The following AP4E1 variants were observed in gnomAD, a reference collection of about 807,000 sequenced individuals.
AP4E1 encodes the protein adaptor related protein complex 4 subunit epsilon 1, also known as AP-4 complex subunit epsilon-1.
A neutral mutation model predicts 128.2 loss-of-function variants in AP4E1; 56 were observed. The ratio of observed to expected loss-of-function variants is 0.44; its 90% CI spans 0.35 to 0.55. The LOEUF is 0.55. Among genes scored for constraint, AP4E1 ranks in the 20% least tolerant of loss-of-function variants. The pLI is 0.00. For missense variants in AP4E1, 1,324 were observed against 1,307.7 expected (o/e 1.01, Z -0.19); for synonymous variants, 484 against 473.1 (o/e 1.02, Z -0.30).
intron 16 of AP4E1, among the ~76,000 whole-genome samples, 177 bp downstream of exon 16, chr15:50,984,322 A>G (rs973705141): frequency 2.0e-5 from 3 of 151,884 alleles, no homozygotes; most frequent in Non-Finnish European, 4.4e-5. Flanking sequence ...TTTTTTAATT[A>G]TACTTTAAGT....
chr15:50,942,346 G>T (rs753243167), intron 10 of AP4E1, among the ~76,000 whole-genome samples: 1 of 152,070 alleles, frequency 6.6e-6, no homozygotes, highest in Non-Finnish European at 1.5e-5. Flanking sequence ...ATATAATTTC[G>T]ATCTGAGCAT....
intron 11 of AP4E1, among the ~76,000 whole-genome samples, chr15:50,948,548 A>G (rs2064097671): frequency 6.6e-6 from 1 of 152,088 alleles, no homozygotes; most frequent in African/African-American, 2.4e-5. Context: ...CTTATCCTTT[A>G]TTGTTTTAAG....
At chr15:50,921,188 C>T (rs1431233130) in intron 3 of AP4E1, among the ~76,000 whole-genome samples, 1 of 152,002 alleles carries the variant, frequency 6.6e-6, no homozygotes, top group African/African-American at 2.4e-5. Context: ...TAGGGTCTTG[C>T]TACGTTAGCC....
intron 15 of AP4E1, 75 bp from the exon 16 acceptor site, chr15:50,983,947 G>A (rs2064678937): frequency 3.4e-6 from 5 of 1,457,374 alleles, no homozygotes; most frequent in Non-Finnish European, 3.8e-6. Flanking sequence ...GAATTATTGT[G>A]GTAGTGAATG....
chr15:50,930,808 A>G lies in AP4E1; in HGVS notation c.706A>G (p.Asn236Asp). 6.2e-7 allele frequency: 1 copy of G among 1,614,086 alleles called. No homozygotes were observed. Among genetic ancestry groups the G allele is most frequent in the Non-Finnish European group, 8.5e-7 (1 of 1,179,986 alleles). The change falls in exon 7 of 21, where the codon AAT becomes GAT. Residue 236 changes from asparagine to aspartate, a missense_variant. By Grantham distance (23) the Asn-to-Asp change is conservative. Coordinates refer to ENST00000261842, the MANE Select transcript of AP4E1 (RefSeq NM_007347.5). Reference protein sequence around the residue: ...LHIYLRMIKENSSGYKDLTGS... With the variant: ...LHIYLRMIKEDSSGYKDLTGS... ...TTTTTTTTGCGGGGGGATGTAGGAG[A>G]ATTCATCTGGATATAAAGACTTGAC...
intron 17 of AP4E1, 25 bp from the exon 18 acceptor site, chr15:50,997,301 A>G: frequency 6.5e-7 from 1 of 1,549,380 alleles, no homozygotes; most frequent in Non-Finnish European, 8.7e-7. Flanking sequence ...ATTTCTTTTT[A>G]TATTATTATG....
chr15:50,926,499 C>T (rs1190510875), intron 5 of AP4E1, among the ~76,000 whole-genome samples: 2 of 151,952 alleles, frequency 1.3e-5, no homozygotes, highest in East Asian at 3.9e-4. Flanking sequence ...GTTATATATT[C>T]TTGATGAAGA....
chr15:50,915,675 T>A, intron 3 of AP4E1, 104 bp downstream of exon 3: 1 of 1,331,142 alleles, frequency 7.5e-7, no homozygotes, highest in South Asian at 1.3e-5. Flanking sequence ...TTTAGAATAC[T>A]GTATTATAAT....
rs751863224 is a variant in AP4E1, at chr15:50,968,368, C to T, written c.1957C>T (p.Gln653Ter). 1 of 1,611,532 alleles carries T rather than the reference C, an allele frequency of 6.2e-7. No homozygotes were observed. The highest frequency in any genetic ancestry group is 1.3e-5 in the African/African-American group (1 of 74,926). ...PHQRQEEKLS[Q>*]EKVLNFEPYG... ...TCAACGCCAGGAGGAAAAGCTTTCT[C>T]AGGAAAAAGGTAATTTTTCATGGAT... Residue 653 changes from glutamine (Q) to a stop codon, truncating the protein, a stop_gained, in exon 15 of 21, where the codon CAG (glutamine) becomes TAG (stop). Coordinates refer to ENST00000261842, the MANE Select transcript of AP4E1 (RefSeq NM_007347.5). LOFTEE classifies it high-confidence loss of function.
At chr15:50,946,055 T>G (rs2064057938) in intron 10 of AP4E1, 11 of 729,964 alleles carry the variant, frequency 1.5e-5, no homozygotes, top group Non-Finnish European at 2.6e-5. Context: ...ATTTGAGAAC[T>G]CTACAAATTA....
chr15:50,939,425 CAAAA>C (rs746927898), intron 8 of AP4E1, among the ~76,000 whole-genome samples: 1 of 126,816 alleles, frequency 7.9e-6, no homozygotes. Context: ...GACTGCATCT[CAAAA>C]AAAAAAAAAG....
intron 14 of AP4E1, among the ~76,000 whole-genome samples, chr15:50,963,187 G>T (rs530349604): frequency 6.6e-6 from 1 of 151,444 alleles, no homozygotes; most frequent in Admixed American, 6.6e-5. Context: ...AGCACAGAGA[G>T]TTTTCAAAAA....
At chr15:50,994,429 T>G (rs1050613328) in intron 17 of AP4E1, among the ~76,000 whole-genome samples, 1 of 152,180 alleles carries the variant, frequency 6.6e-6, no homozygotes, top group African/African-American at 2.4e-5. Context: ...CCTTCATTCC[T>G]GTCAGTACCA....
chr15:50,946,061 A>T (rs1159726078), intron 10 of AP4E1: 1 of 701,912 alleles, frequency 1.4e-6, no homozygotes, highest in Non-Finnish European at 2.5e-6. Context: ...GAACTCTACA[A>T]ATTAAAGTGC....
chr15:50,946,704 A>G (rs1352481692), intron 10 of AP4E1, among the ~76,000 whole-genome samples: 2 of 152,200 alleles, frequency 1.3e-5, no homozygotes, highest in African/African-American at 4.8e-5. Context: ...GCTGATCCTA[A>G]AACACCAATA....
At chr15:50,951,784 T>G (rs2064154359) in intron 13 of AP4E1, among the ~76,000 whole-genome samples, 1 of 147,636 alleles carries the variant, frequency 6.8e-6, no homozygotes, top group Non-Finnish European at 1.5e-5. Flanking sequence ...TGGAGTGCAG[T>G]GGCGTGAACT....
At chr15:50,970,316 C>T (rs934517491) in intron 15 of AP4E1, among the ~76,000 whole-genome samples, 4 of 152,276 alleles carry the variant, frequency 2.6e-5, no homozygotes, top group African/African-American at 9.6e-5. Flanking sequence ...GTATATAATA[C>T]CACATCATTT....
In AP4E1 at chr15:50,984,133, C is replaced by T; in HGVS notation, c.2078C>T (p.Thr693Ile). Residue 693 changes from threonine (T) to isoleucine (I), a missense_variant, in exon 16 of 21, where the codon ACA (threonine) becomes ATA (isoleucine). Transcript: ENST00000261842. The part of the protein sequence containing the change: ...GSDVSGNSAE[T>I]GLKETNSLKL... ...GATGTATCTGGGAATAGTGCTGAGA[C>T]AGGACTGAAAGAGTAAGTTCATTTC... The T allele has an allele frequency of 2.5e-6, 4 of 1,613,208 alleles. No homozygotes were observed. Among genetic ancestry groups the T allele is most frequent in the Non-Finnish European group, 3.4e-6 (4 of 1,179,350 alleles).
At chr15:50,952,292 C>T (rs180676829) in intron 13 of AP4E1, among the ~76,000 whole-genome samples, 238 of 151,860 alleles carry the variant, frequency 1.6e-3, no homozygotes, top group African/African-American at 5.3e-3. Context: ...GGGTGGATCA[C>T]GAGGTCAGGA....
Sources: allele counts gnomAD v4.1 joint callset (sites outside exome capture counted in the v4.1 genomes callset), GRCh38; gene constraint gnomAD v4.1.1; transcripts MANE v1.5; gene names NCBI Gene and HGNC (gene_info 2026-07-23, HGNC 2026-07-21).